HDGFL3: variants seen among roughly 807,000 people sequenced by gnomAD.
HDGFL3 encodes the protein hepatoma-derived growth factor-related protein 3.
A neutral mutation model predicts 27.6 loss-of-function variants in HDGFL3; 6 were observed. The ratio of observed to expected loss-of-function variants is 0.22; its 90% confidence interval spans 0.12 to 0.43. HDGFL3 has a LOEUF of 0.43. HDGFL3 is among the 20% of genes least tolerant of loss of function. The probability of loss-of-function intolerance (pLI) is 1.00; values close to 1 mark genes in which losing one functional copy is unlikely to be tolerated. For missense variants in HDGFL3, 207 were observed against 250.1 expected (o/e 0.83, Z 1.16); for synonymous variants, 88 against 88.9 (o/e 0.99, Z 0.05).
At position 83,139,250 on chromosome 15, in the gene HDGFL3, T is replaced by C; in HGVS notation, c.*20A>G. 6.9e-7 allele frequency: 1 copy of C among 1,441,694 alleles called. No homozygotes were observed. Among genetic ancestry groups the C allele is most frequent in the South Asian group, 1.5e-5 (1 of 68,816 alleles). 89.3% of individuals were successfully genotyped at this position (1,441,694 alleles called of 1,614,324 possible). ...AACCTTCTTGTGGTTTCTCTTAATATGCAGCATTCATTATGGTAGTTAGGT... is the reference window on the plus strand; with the variant it reads ...AACCTTCTTGTGGTTTCTCTTAATACGCAGCATTCATTATGGTAGTTAGGT... On this transcript the variant is annotated 3_prime_UTR_variant, in exon 6 of 6. Coordinates refer to ENST00000299633, the MANE Select transcript of HDGFL3 (RefSeq NM_016073.4).
rs372523363 is a variant in HDGFL3, at chr15:83,139,181, G to A, written c.*89C>T. ...CTGTCAATGACAACAAGGACTATGT[G>A]TTGGTTCATATCAAATCCAAGAATA... On this transcript the variant is annotated 3_prime_UTR_variant, in exon 6 of 6. Coordinates refer to ENST00000299633, the MANE Select transcript of HDGFL3 (RefSeq NM_016073.4). 33 of 822,918 alleles carry A rather than the reference G, an allele frequency of 4.0e-5. No homozygotes were observed. The highest frequency in any genetic ancestry group is 5.7e-5 in the Non-Finnish European group (32 of 565,750). The allele number at this position is 822,918 out of a possible 1,614,324, so 51.0% of individuals were successfully genotyped here. A position where few individuals can be genotyped will look rare whatever the true frequency, so the allele number is the denominator to read the frequency against.
At chr15:83,175,837 G>A (rs763295416) in intron 1 of HDGFL3, among the ~76,000 whole-genome samples, 1 of 152,182 alleles carries the variant, frequency 6.6e-6, no homozygotes, top group Non-Finnish European at 1.5e-5. Flanking sequence ...TCCAGTCTGG[G>A]CGACAGAGCG....
At chr15:83,122,619 T>G in intron 3 of HDGFL3, 1 of 859,558 alleles carries the variant, frequency 1.2e-6, no homozygotes, top group Non-Finnish European at 1.8e-6. Flanking sequence ...TAAATTGACC[T>G]TTTTAATTTG....
At chr15:83,171,053 T>G (rs2037240929) in intron 1 of HDGFL3, among the ~76,000 whole-genome samples, 1 of 152,092 alleles carries the variant, frequency 6.6e-6, no homozygotes, top group Non-Finnish European at 1.5e-5. Flanking sequence ...ATGGCTACTA[T>G]TTTCTTTTTA....
At chr15:83,165,812 A>G (rs925424776) in intron 1 of HDGFL3, among the ~76,000 whole-genome samples, 2 of 150,532 alleles carry the variant, frequency 1.3e-5, no homozygotes, top group Admixed American at 6.6e-5. Context: ...AAAAAAAAAA[A>G]AAAAAAAAAG....
intron 1 of HDGFL3, among the ~76,000 whole-genome samples, chr15:83,166,522 A>G (rs2151407209): frequency 6.6e-6 from 1 of 152,344 alleles, no homozygotes; most frequent in Non-Finnish European, 1.5e-5. Context: ...TTGGGTACAG[A>G]GCCTGCAGAC....
At chr15:83,159,824 T>C (rs957947727) in intron 2 of HDGFL3, among the ~76,000 whole-genome samples, 51 of 152,284 alleles carry the variant, frequency 3.3e-4, no homozygotes, top group African/African-American at 1.2e-3. Flanking sequence ...GGACGACTGG[T>C]GTGAGACAGG....
chr15:83,154,519 TAG>T (rs1238997034), intron 4 of HDGFL3, among the ~76,000 whole-genome samples: 1 of 152,118 alleles, frequency 6.6e-6, no homozygotes, highest in East Asian at 1.9e-4. Flanking sequence ...CCTTCTGAAA[TAG>T]AAATTCTGGG....
chr15:83,168,293 A>C (rs991140416), intron 1 of HDGFL3, among the ~76,000 whole-genome samples: 1 of 142,386 alleles, frequency 7.0e-6, no homozygotes, highest in African/African-American at 2.7e-5. Context: ...AAAGAAGAAA[A>C]GAAATACCAA....
chr15:83,119,739 G>GT, intron 3 of HDGFL3: 5 of 1,609,334 alleles, frequency 3.1e-6, no homozygotes, highest in Non-Finnish European at 4.2e-6. Context: ...AAGCGGGTAT[G>GT]TAAGGAAACG....
chr15:83,136,764 G>T lies in HDGFL3; in HGVS notation c.*2506C>A. ...CCCATTTCACTCTCTTCTCATACGT[G>T]AGTACTTAAGAATATGTACATTCTT... On this transcript the variant is annotated 3_prime_UTR_variant, in exon 6 of 6. Transcript: ENST00000299633. The T allele has an allele frequency of 9.5e-7, 1 of 1,047,302 alleles. No homozygotes were observed. Among genetic ancestry groups the T allele is most frequent in the Non-Finnish European group, 1.4e-6 (1 of 719,478 alleles). 64.9% of individuals were successfully genotyped at this position (1,047,302 alleles called of 1,614,324 possible).
intron 1 of HDGFL3, 60 bp from the exon 2 acceptor site, chr15:83,164,135 G>C: frequency 1.0e-6 from 1 of 1,004,560 alleles, no homozygotes; most frequent in East Asian, 2.7e-5. Context: ...TGTGAGCATT[G>C]TTCTGATAAT....
intron 1 of HDGFL3, among the ~76,000 whole-genome samples, chr15:83,186,806 T>C (rs550222825): frequency 1.3e-5 from 2 of 152,246 alleles, no homozygotes; most frequent in South Asian, 4.2e-4. Flanking sequence ...GATGGTGCAC[T>C]AAAATCCCAG....
chr15:83,204,535 G>A (rs953104365), intron 1 of HDGFL3, among the ~76,000 whole-genome samples: 11 of 152,154 alleles, frequency 7.2e-5, no homozygotes, highest in Non-Finnish European at 2.9e-5. Context: ...GAATCTAGGT[G>A]TAGATAAATG....
intron 1 of HDGFL3, among the ~76,000 whole-genome samples, chr15:83,172,441 T>G (rs1297581854): frequency 6.6e-6 from 1 of 152,198 alleles, no homozygotes; most frequent in Non-Finnish European, 1.5e-5. Flanking sequence ...ACTTAATTAC[T>G]AATAGCCTAT....
intron 1 of HDGFL3, among the ~76,000 whole-genome samples, chr15:83,194,766 G>T (rs748655469): frequency 3.9e-5 from 6 of 152,136 alleles, no homozygotes; most frequent in Non-Finnish European, 8.8e-5. Flanking sequence ...TTTTAGTGCA[G>T]CTCCCTTCCA....
At chr15:83,192,362 G>A in intron 1 of HDGFL3, 2 of 449,164 alleles carry the variant, frequency 4.5e-6, no homozygotes, top group Admixed American at 4.8e-5. Context: ...ACTCCTGACA[G>A]GGTTGCTAAA....
chr15:83,190,018 C>T (rs2037492434), intron 1 of HDGFL3, among the ~76,000 whole-genome samples: 1 of 151,994 alleles, frequency 6.6e-6, no homozygotes. Flanking sequence ...CCAGCCTGGG[C>T]AACATAGTGA....
rs1421108524 is a variant in HDGFL3 at position 83,157,930 on chromosome 15, G to A, written c.273C>T (p.Asn91=). 2 of 1,612,230 alleles carry A rather than the reference G, an allele frequency of 1.2e-6. No homozygotes were observed. The highest frequency in any genetic ancestry group is 1.7e-6 in the Non-Finnish European group (2 of 1,179,298). ...GGTAGCCAGTAAACTTTACTCCTGG[G>A]TTATTTTCTATTTCCCACAATCCTT... ...FNEGLWEIEN[N]PGVKFTGYQA... Residue 91 remains asparagine, a synonymous_variant, in exon 3 of 6, where the codon AAC becomes AAT. Transcript: ENST00000299633.
Sources: gnomAD v4.1 joint callset for allele counts (sites outside exome capture counted in the v4.1 genomes callset) on GRCh38, gnomAD v4.1.1 for gene constraint, MANE v1.5 for transcripts, NCBI Gene and HGNC (gene_info 2026-07-23, HGNC 2026-07-21) for gene names.